MAPK13: variants seen among roughly 807,000 people sequenced by gnomAD.
MAPK13 encodes the protein MAP kinase 13.
Under a neutral mutation model 53.5 loss-of-function variants are expected in MAPK13, and 39 were observed. The ratio of observed to expected loss-of-function variants is 0.73; its 90% confidence interval spans 0.56 to 0.95. The LOEUF (loss-of-function observed/expected upper bound fraction) is 0.95, where lower values mean the gene tolerates loss of function less well. Ranked by LOEUF, MAPK13 falls within the 40% of genes least tolerant of loss-of-function variation. The pLI is 0.00. For missense variants in MAPK13, 460 were observed against 471.8 expected, an observed-to-expected ratio of 0.98 and a Z score of 0.23; for synonymous variants, 179 against 190.9, an observed-to-expected ratio of 0.94 and a Z score of 0.51.
intron 3 of MAPK13, among the ~76,000 whole-genome samples, chr6:36,133,322 A>C (rs1561788272): frequency 6.6e-6 from 1 of 152,276 alleles, no homozygotes; most frequent in East Asian, 1.9e-4. Context: ...GATTTGGGGG[A>C]TGCACACTGG....
At chr6:36,131,486 G>A in intron 2 of MAPK13, 86 bp downstream of exon 2, 1 of 1,338,658 alleles carries the variant, frequency 7.5e-7, no homozygotes, top group Non-Finnish European at 1.0e-6. Context: ...GGTATGGAGA[G>A]CTCGGGACAG....
rs138637963 is a variant in MAPK13 at position 36,138,925 on chromosome 6, C to G, written c.888C>G (p.Arg296=). ...TGCTGGAGCTAGACGTGGACAAGCG[C>G]CTGACGGCCGCGCAGGCCCTCACCC... The part of the protein sequence containing the change: ...EKMLELDVDK[R]LTAAQALTHP... The change falls in exon 11 of 12, where the codon CGC becomes CGG. Residue 296 remains arginine, a synonymous_variant. Transcript: ENST00000211287. The G allele has an allele frequency of 6.2e-7, 1 of 1,612,456 alleles. No homozygotes were observed. Among genetic ancestry groups the G allele is most frequent in the African/African-American group, 1.3e-5 (1 of 74,850 alleles).
rs1212572650 is a variant in MAPK13 at position 36,136,766 on chromosome 6, G to T, written c.606G>T (p.Gln202His). ...TCCTCAGCTGGATGCACTACAACCA[G>T]ACAGGTCAGTGGTCAATGCCTGAGA... Reference protein sequence around the residue: ...EVILSWMHYNQTVDIWSVGCI... With the variant: ...EVILSWMHYNHTVDIWSVGCI... Residue 202 changes from glutamine to histidine, a missense_variant, in exon 7 of 12, where the codon CAG becomes CAT. Physicochemically the swap from Gln to His is conservative, Grantham distance 24 (BLOSUM62 0). Transcript: ENST00000211287. The T allele has an allele frequency of 1.9e-6, 3 of 1,613,910 alleles. No individual in the cohort carries two copies. The African/African-American group carries it at 4.0e-5, about 22-fold the overall frequency.
chr6:36,139,131 G>A (rs1284784559), intron 11 of MAPK13, 76 bp downstream of exon 11: 3 of 1,477,656 alleles, frequency 2.0e-6, no homozygotes, highest in Admixed American at 2.2e-5. Flanking sequence ...TTTGTGCCTG[G>A]CCTCTGCCAG....
At chr6:36,132,739 A>G (rs1256742547) in intron 3 of MAPK13, 60 bp downstream of exon 3, 1 of 1,572,848 alleles carries the variant, frequency 6.4e-7, no homozygotes, top group Non-Finnish European at 8.8e-7. Context: ...GCTGGGGAGC[A>G]AGGTGGGGGA....
In MAPK13 at chr6:36,138,934, C is replaced by T. The variant is rs56331651; in HGVS notation, c.897C>T (p.Ala299=). 5.5e-4 allele frequency: 893 copies of T among 1,612,830 alleles called. 5 individuals carry two copies. In the African/African-American group the frequency reaches 0.011, roughly 19 times the overall value. The change falls in exon 11 of 12, where the codon GCC becomes GCT. Residue 299 remains alanine, a synonymous_variant. Transcript: ENST00000211287. ...TAGACGTGGACAAGCGCCTGACGGC[C>T]GCGCAGGCCCTCACCCATCCCTTCT... The part of the protein sequence containing the change: ...LELDVDKRLT[A]AQALTHPFFE...
chr6:36,139,236 G>A, intron 11 of MAPK13, 58 bp from the exon 12 acceptor site: 1 of 1,530,238 alleles, frequency 6.5e-7, no homozygotes. Context: ...CTGAAGGGGG[G>A]TGGACTTTCT....
At chr6:36,133,869 G>C (rs1396217909) in intron 3 of MAPK13, among the ~76,000 whole-genome samples, 1 of 152,208 alleles carries the variant, frequency 6.6e-6, no homozygotes, top group Non-Finnish European at 1.5e-5. Context: ...AGGAGGCAGA[G>C]GAGAGTCAGC....
In MAPK13 at chr6:36,130,956, A is replaced by C. The variant is rs1248685580; in HGVS notation, c.119+255A>C. 4 of 514,836 alleles carry C rather than the reference A, an allele frequency of 7.8e-6. No individual in the cohort carries two copies. The highest frequency in any genetic ancestry group is 1.4e-5 in the Non-Finnish European group (4 of 290,440). 31.9% of individuals were successfully genotyped at this position (514,836 alleles called of 1,614,324 possible). ...TGCAAGACCCCAGAGTTCATCGGGC[A>C]GATCCTCACTGTTACAGACGAGTAC... On this transcript the variant is annotated intron_variant, in intron 1 of 11. Coordinates refer to ENST00000211287, the MANE Select transcript of MAPK13 (RefSeq NM_002754.5). The surrounding 1 kb of genome is among the most constrained non-coding windows in gnomAD (Gnocchi z 4.5).
rs544769394 is a variant in MAPK13 at position 36,136,676 on chromosome 6, G to A, written c.516G>A (p.Ala172=). 1.1e-5 allele frequency: 17 copies of A among 1,613,924 alleles called. No homozygotes were observed. Among genetic ancestry groups the A allele is most frequent in the South Asian group, 8.8e-5 (8 of 91,016 alleles). The part of the protein sequence containing the change: ...CELKILDFGL[A]RHADAEMTGY... ...CATAGATTCTGGATTTTGGGCTGGC[G>A]CGACATGCAGACGCCGAGATGACTG... Residue 172 remains alanine (A), a synonymous_variant, in exon 7 of 12, where the codon GCG becomes GCA. Transcript: ENST00000211287.
Position 36,144,251 on chromosome 6 carries a change from AT to A in MAPK13, c.*4883del, listed in dbSNP as rs978915564. The A allele has an allele frequency of 1.3e-5, 2 of 152,222 alleles. No homozygotes were observed. The highest frequency in any genetic ancestry group is 2.4e-5 in the African/African-American group (1 of 41,456). The allele number at this position is 152,222 out of a possible 1,614,324, so 9.4% of individuals were successfully genotyped here. ...TATATTTATATACAGTTGTCAAAAT[AT>A]TTTTAAAATGTATAACGTGATACTA... On this transcript the variant is annotated 3_prime_UTR_variant, in exon 12 of 12. Transcript: ENST00000211287.
At position 36,141,679 on chromosome 6, in the gene MAPK13, C is replaced by CA. The variant is rs930332475; in HGVS notation, c.*2314dup. The CA allele has an allele frequency of 3.1e-3, 478 of 152,318 alleles. 1 individual carries two copies. The highest frequency in any genetic ancestry group is 9.6e-3 in the African/African-American group (396 of 41,336). The allele number at this position is 152,318 out of a possible 1,614,324, so 9.4% of individuals were successfully genotyped here. A position where few individuals can be genotyped will look rare whatever the true frequency, so the allele number is the denominator to read the frequency against. On this transcript the variant is annotated 3_prime_UTR_variant, in exon 12 of 12. Coordinates refer to ENST00000211287, the MANE Select transcript of MAPK13 (RefSeq NM_002754.5). The stretch of plus-strand genomic sequence containing the variant: ...AGAGTGAGACTCCATCTCAAAAAAA[C>CA]AAAAAAAACAAATACCCTGAGGACA...
Position 36,140,371 on chromosome 6 carries a change from G to C in MAPK13, c.*998G>C, listed in dbSNP as rs1766510891. 1 of 152,858 alleles carries C rather than the reference G, an allele frequency of 6.5e-6. No homozygotes were observed. The highest frequency in any genetic ancestry group is 2.4e-5 in the African/African-American group (1 of 41,466). 9.5% of individuals were successfully genotyped at this position (152,858 alleles called of 1,614,324 possible). On this transcript the variant is annotated 3_prime_UTR_variant, in exon 12 of 12. Transcript: ENST00000211287. Reference sequence around the variant, plus strand: ...CTTTGGGAGATGGCACAGCTCTCCAGAGCTTTGACCTGACAGTGGCTAGAA... The same window carrying C: ...CTTTGGGAGATGGCACAGCTCTCCACAGCTTTGACCTGACAGTGGCTAGAA...
Position 36,135,781 on chromosome 6 carries a change from G to C in MAPK13, c.337G>C (p.Asp113His), listed in dbSNP as rs1307852986. ...FYLVMPFMQT[D>H]LQKIMGMEFS... ...CCTGGTGATGCCCTTCATGCAGACG[G>C]ATCTGCAGAAGATCATGGGGATGGA... Residue 113 changes from aspartate (D) to histidine (H), a missense_variant, in exon 4 of 12, where the codon GAT (aspartate) becomes CAT (histidine). Asp to His is a moderately conservative substitution (Grantham distance 81). Transcript: ENST00000211287. The C allele has an allele frequency of 6.2e-7, 1 of 1,613,860 alleles. No individual in the cohort carries two copies. The highest frequency in any genetic ancestry group is 8.5e-7 in the Non-Finnish European group (1 of 1,179,798).
chr6:36,139,078 T>C, intron 11 of MAPK13, 23 bp downstream of exon 11: 1 of 1,555,978 alleles, frequency 6.4e-7, no homozygotes, highest in Non-Finnish European at 8.7e-7. Flanking sequence ...GCCTCGGGCT[T>C]CCTCGCCTCC....
rs544971778 is a variant in MAPK13, at chr6:36,143,906, A to G, written c.*4533A>G. ...CCTGCTCAGCTGGGCAGCTGCCCTC[A>G]CTCTGGGCGGGTGGCATGTGAGTGT... On this transcript the variant is annotated 3_prime_UTR_variant, in exon 12 of 12. Coordinates refer to ENST00000211287, the MANE Select transcript of MAPK13 (RefSeq NM_002754.5). The G allele has an allele frequency of 1.3e-5, 2 of 152,158 alleles. No individual in the cohort carries two copies. Among genetic ancestry groups the G allele is most frequent in the Admixed American group, 1.3e-4 (2 of 15,288 alleles). The allele number at this position is 152,158 out of a possible 1,614,324, so 9.4% of individuals were successfully genotyped here.
At chr6:36,135,978 A>C in intron 4 of MAPK13, 41 bp from the exon 5 acceptor site, 7 of 1,613,756 alleles carry the variant, frequency 4.3e-6, no homozygotes, top group Non-Finnish European at 5.9e-6. Context: ...CCTGGTGTGG[A>C]AGCTGGGCCA....
intron 3 of MAPK13, among the ~76,000 whole-genome samples, chr6:36,135,052 T>C (rs1395579501): frequency 3.3e-5 from 5 of 152,204 alleles, no homozygotes; most frequent in African/African-American, 1.2e-4. Context: ...GATGGGTCCC[T>C]ATGTTGCTCA....
chr6:36,131,554 C>G (rs1285482373), intron 2 of MAPK13, among the ~76,000 whole-genome samples, 154 bp downstream of exon 2: 1 of 152,154 alleles, frequency 6.6e-6, no homozygotes, highest in African/African-American at 2.4e-5. Flanking sequence ...GAGGGGGTGC[C>G]GAGACCTTCC....
Sources: allele counts gnomAD v4.1 joint callset (sites outside exome capture counted in the v4.1 genomes callset), GRCh38; gene constraint gnomAD v4.1.1; non-coding constraint Gnocchi (gnomAD v3.1); transcripts MANE v1.5; gene names NCBI Gene and HGNC (gene_info 2026-07-23, HGNC 2026-07-21).